PLEKHO1: variants seen among roughly 807,000 people sequenced by gnomAD.
PLEKHO1 encodes the protein pleckstrin homology domain containing O1, also known as pleckstrin homology domain-containing family O member 1.
Under a neutral mutation model 41.4 loss-of-function variants are expected in PLEKHO1, and 22 were observed. The ratio of observed to expected loss-of-function variants is 0.53; its 90% CI spans 0.38 to 0.76. PLEKHO1 has a LOEUF of 0.76. Among genes scored for constraint, PLEKHO1 ranks in the 30% least tolerant of loss-of-function variants. The pLI is 0.00. For synonymous variants in PLEKHO1, 225 were observed against 210.8 expected, an observed-to-expected ratio of 1.07 and a Z score of -0.58; for missense variants, 488 against 518.3, an observed-to-expected ratio of 0.94 and a Z score of 0.57.
rs587701293 is a variant in PLEKHO1 at position 150,150,794 on chromosome 1, C to T, written c.31-118C>T. 15 of 914,728 alleles carry T rather than the reference C, an allele frequency of 1.6e-5. No homozygotes were observed. The Admixed American group carries it at 2.1e-4, about 13-fold the overall frequency. 56.7% of individuals were successfully genotyped at this position (914,728 alleles called of 1,614,324 possible). ...GAGCGAACCTGGGGCGGCCCCCCGC[C>T]CCCCGGCCGCAGCCTTCGGAGGAGA... On this transcript the variant is annotated intron_variant, in intron 1 of 5. Transcript: ENST00000369124.
intron 5 of PLEKHO1, among the ~76,000 whole-genome samples, chr1:150,158,144 T>C (rs905446084): frequency 1.3e-5 from 2 of 152,166 alleles, no homozygotes; most frequent in Non-Finnish European, 2.9e-5. Flanking sequence ...GCAAGGGGGC[T>C]GAAGTGTGGG....
intron 5 of PLEKHO1, among the ~76,000 whole-genome samples, chr1:150,157,787 AC>A (rs1179675726): frequency 1.3e-5 from 2 of 152,250 alleles, no homozygotes; most frequent in Non-Finnish European, 2.9e-5. Context: ...ATGGGTAACA[AC>A]ATGTAGTACC....
At chr1:150,150,855 G>C in intron 1 of PLEKHO1, 57 bp from the exon 2 acceptor site, 1 of 1,543,992 alleles carries the variant, frequency 6.5e-7, no homozygotes, top group Non-Finnish European at 8.9e-7. Flanking sequence ...GACGGACGGA[G>C]AGGAAGCGCC....
intron 5 of PLEKHO1, among the ~76,000 whole-genome samples, chr1:150,157,887 C>G (rs59607464): frequency 1.3e-5 from 2 of 151,972 alleles, no homozygotes; most frequent in Non-Finnish European, 2.9e-5. Flanking sequence ...CTTAAGTCTT[C>G]AGAGAGAGAG....
rs1188141008 is a variant in PLEKHO1 at position 150,159,680 on chromosome 1, C to T, written c.*157C>T. 3.2e-5 allele frequency: 18 copies of T among 567,344 alleles called. No homozygotes were observed. The highest frequency in any genetic ancestry group is 5.6e-5 in the African/African-American group (3 of 53,562). 35.1% of individuals were successfully genotyped at this position (567,344 alleles called of 1,614,324 possible). ...CCCCACTACAACCCTTATTGCCCCA[C>T]CTACTTTCCATATGCCCCTCGTATG... On this transcript the variant is annotated 3_prime_UTR_variant, in exon 6 of 6. Transcript: ENST00000369124.
chr1:150,151,036 A>C lies in PLEKHO1; in HGVS notation c.155A>C (p.Gln52Pro), dbSNP rs782571742. Residue 52 changes from glutamine (Q) to proline (P), a missense_variant, in exon 2 of 6, where the codon CAG (glutamine) becomes CCG (proline). Physicochemically the swap from Gln to Pro is moderately conservative, Grantham distance 76 (BLOSUM62 -1). Coordinates refer to ENST00000369124, the MANE Select transcript of PLEKHO1 (RefSeq NM_016274.6). ...CGCTATGTGGTGCTGAAAGGGGACC[A>C]GCTCTACATCTCTGAGAAGGAGGTG... is the stretch of plus-strand genomic sequence containing the variant. ...KNRYVVLKGD[Q>P]LYISEKEVKD... is the part of the protein sequence containing the mutation. The C allele has an allele frequency of 6.2e-7, 1 of 1,614,202 alleles. No homozygotes were observed. Among genetic ancestry groups the C allele is most frequent in the Non-Finnish European group, 8.5e-7 (1 of 1,180,012 alleles).
intron 2 of PLEKHO1, chr1:150,152,851 CT>C (rs1165112373): frequency 6.6e-6 from 1 of 152,100 alleles, no homozygotes; most frequent in Non-Finnish European, 1.5e-5. Flanking sequence ...ACATCCATTG[CT>C]TGTTTGTATT....
chr1:150,154,821 T>A (rs1405354414), intron 2 of PLEKHO1: 1 of 152,206 alleles, frequency 6.6e-6, no homozygotes, highest in Non-Finnish European at 1.5e-5. Flanking sequence ...CCTGAGGTGT[T>A]CCAACCCTGG....
intron 2 of PLEKHO1, 29 bp from the exon 3 acceptor site, chr1:150,156,034 ATCC>A (rs782095483): frequency 5.0e-6 from 8 of 1,596,768 alleles, no homozygotes; most frequent in African/African-American, 1.3e-5. Flanking sequence ...AAATAATTTT[ATCC>A]TCCTCACCTC....
chr1:150,157,197 TC>T, intron 4 of PLEKHO1, 182 bp downstream of exon 4: 1 of 699,112 alleles, frequency 1.4e-6, no homozygotes, highest in Non-Finnish European at 2.6e-6. Flanking sequence ...ATCTGACACC[TC>T]CTCTTCCCCG....
At chr1:150,151,842 CCTAAGT>C (rs1659949200) in intron 2 of PLEKHO1, among the ~76,000 whole-genome samples, 1 of 151,962 alleles carries the variant, frequency 6.6e-6, no homozygotes, top group Non-Finnish European at 1.5e-5. Flanking sequence ...CCCTTTTTTC[CCTAAGT>C]CTTGGGATCA....
chr1:150,151,063 G>A lies in PLEKHO1; in HGVS notation c.177+5G>A, dbSNP rs1659905616. 6.2e-7 allele frequency: 1 copy of A among 1,613,760 alleles called. No homozygotes were observed. The highest frequency in any genetic ancestry group is 1.7e-5 in the Admixed American group (1 of 59,996). On this transcript the variant is annotated splice_donor_5th_base_variant and intron_variant, in intron 2 of 5. Coordinates refer to ENST00000369124, the MANE Select transcript of PLEKHO1 (RefSeq NM_016274.6). ...CTCTACATCTCTGAGAAGGAGGTGGGTGCCTCTTGCCTCTAACTCTCCGTT... is the reference window on the plus strand; with the variant it reads ...CTCTACATCTCTGAGAAGGAGGTGGATGCCTCTTGCCTCTAACTCTCCGTT...
In PLEKHO1 at chr1:150,150,222, CCTCGG is replaced by C; in HGVS notation, c.-31_-27del. ...GCCGAGGCCCCGACGCGGGGCCGCC[CCTCGG>C]CTCGCCGCCCCGCGCCCGCGCCCGC... is the stretch of plus-strand genomic sequence containing the variant. On this transcript the variant is annotated 5_prime_UTR_variant, in exon 1 of 6. Transcript: ENST00000369124. The C allele has an allele frequency of 9.6e-7, 1 of 1,038,294 alleles. No homozygotes were observed. The highest frequency in any genetic ancestry group is 3.7e-5 in the South Asian group (1 of 26,996). The allele number at this position is 1,038,294 out of a possible 1,614,324, so 64.3% of individuals were successfully genotyped here.
At chr1:150,152,124 A>G (rs910659500) in intron 2 of PLEKHO1, among the ~76,000 whole-genome samples, 2 of 152,326 alleles carry the variant, frequency 1.3e-5, no homozygotes, top group Admixed American at 1.3e-4. Context: ...ATTTAGGTAA[A>G]TAAAACCTTT....
At chr1:150,155,182 G>A (rs1305769942) in intron 2 of PLEKHO1, 2 of 152,178 alleles carry the variant, frequency 1.3e-5, no homozygotes, top group Non-Finnish European at 2.9e-5. Context: ...GGAGACTATA[G>A]CAGGGAGGGC....
At chr1:150,155,750 G>A (rs1660139144) in intron 2 of PLEKHO1, 1 of 244,482 alleles carries the variant, frequency 4.1e-6, no homozygotes, top group African/African-American at 2.3e-5. Flanking sequence ...GAACATGTAA[G>A]CTGTGTCCTT....
chr1:150,154,542 CTG>C (rs781978305), intron 2 of PLEKHO1: 5 of 152,414 alleles, frequency 3.3e-5, no homozygotes, highest in Non-Finnish European at 7.3e-5. Flanking sequence ...AGATACAAGA[CTG>C]TAGATGGTCT....
rs782641113 is a variant in PLEKHO1, at chr1:150,150,902, C to G, written c.31-10C>G. On this transcript the variant is annotated splice_polypyrimidine_tract_variant and intron_variant, in intron 1 of 5. Transcript: ENST00000369124. The stretch of plus-strand genomic sequence containing the variant: ...CCTAACCGCCCGCTTCTCATCTTGT[C>G]CTGGGGCAGGGACCTCAGGATGGAA... 1.9e-6 allele frequency: 3 copies of G among 1,613,254 alleles called. No individual in the cohort carries two copies. The highest frequency in any genetic ancestry group is 2.5e-6 in the Non-Finnish European group (3 of 1,179,222).
At chr1:150,151,103 A>G (rs1553818888) in intron 2 of PLEKHO1, 45 bp downstream of exon 2, 3 of 1,607,392 alleles carry the variant, frequency 1.9e-6, no homozygotes, top group Non-Finnish European at 2.6e-6. Context: ...CATAGCCCCC[A>G]CTTTGTCACT....
Sources: gnomAD v4.1 joint callset for allele counts (sites outside exome capture counted in the v4.1 genomes callset) on GRCh38, gnomAD v4.1.1 for gene constraint, MANE v1.5 for transcripts, NCBI Gene and HGNC (gene_info 2026-07-23, HGNC 2026-07-21) for gene names.